COX7B2: variants seen among roughly 807,000 people sequenced by gnomAD.
COX7B2 encodes the protein cytochrome c oxidase subunit 7B2, also known as cytochrome c oxidase subunit 7B2, mitochondrial.
For missense variants in COX7B2, 109 were observed against 95.9 expected, an observed-to-expected ratio of 1.14 and a Z score of -0.57; for synonymous variants, 37 against 32.1, an observed-to-expected ratio of 1.15 and a Z score of -0.51.
intron 1 of COX7B2, among the ~76,000 whole-genome samples, chr4:46,908,738 C>CGAAAAAAAAAAA (rs1720557328): frequency 8.3e-6 from 1 of 121,090 alleles, no homozygotes; most frequent in Non-Finnish European, 1.7e-5. Flanking sequence ...AGGAAAGTGG[C>CGAAAAAAAAAAA]AAAAAAAAAA....
intron 2 of COX7B2, among the ~76,000 whole-genome samples, chr4:46,754,235 A>G (rs1221648676): frequency 6.6e-6 from 1 of 151,930 alleles, no homozygotes; most frequent in Non-Finnish European, 1.5e-5. Context: ...AGGATTATAA[A>G]TCATGCTGCT....
intron 1 of COX7B2, among the ~76,000 whole-genome samples, chr4:46,880,666 T>C (rs1490872350): frequency 6.6e-6 from 1 of 151,724 alleles, no homozygotes; most frequent in Non-Finnish European, 1.5e-5. Flanking sequence ...GTTGTGTTTA[T>C]TTGGATCTTC....
rs1448122862 is a variant in COX7B2 at position 46,764,853 on chromosome 4, A to C, written c.-49-29612T>G. On this transcript the variant is annotated intron_variant, in intron 2 of 2. Transcript: ENST00000355591. ...GAGAAAAGAATCAAAGCACACTACC[A>C]CAAAAAAATTATCACATCATACAGG... Among the ~76,000 whole-genome samples, 25 of 152,040 alleles carry C rather than the reference A, an allele frequency of 1.6e-4. 1 individual carries two copies.
At chr4:46,761,861 C>T (rs1363178778) in intron 2 of COX7B2, among the ~76,000 whole-genome samples, 1 of 151,730 alleles carries the variant, frequency 6.6e-6, no homozygotes, top group Non-Finnish European at 1.5e-5. Flanking sequence ...CCCAAAATTC[C>T]ACCGTCCATT....
At chr4:46,768,730 A>G (rs1716696292) in intron 2 of COX7B2, among the ~76,000 whole-genome samples, 1 of 152,198 alleles carries the variant, frequency 6.6e-6, no homozygotes, top group Admixed American at 6.5e-5. Context: ...ATGAAATAAT[A>G]AAGATGAAAG....
intron 1 of COX7B2, among the ~76,000 whole-genome samples, chr4:46,866,874 G>A (rs1717698741): frequency 6.6e-6 from 1 of 152,132 alleles, no homozygotes. Flanking sequence ...GACAAGTTGA[G>A]TTTAACATTC....
intron 2 of COX7B2, among the ~76,000 whole-genome samples, chr4:46,755,317 A>G (rs1223869330): frequency 6.6e-6 from 1 of 152,090 alleles, no homozygotes; most frequent in Non-Finnish European, 1.5e-5. Flanking sequence ...ATATATGACA[A>G]ACTCACAGCC....
In COX7B2 at chr4:46,750,691, CA is replaced by C. The variant is rs201145840; in HGVS notation, c.-49-15451del. Among the ~76,000 whole-genome samples the C allele has an allele frequency of 9.7e-3, 1,483 of 152,208 alleles. 8 individuals carry two copies. The highest frequency in any genetic ancestry group is 0.023 in the South Asian group (112 of 4,826). The stretch of plus-strand genomic sequence containing the variant: ...ACTAGAGCCTGCATGGCTTAAACAA[CA>C]AAAATACATTTTCTCAAAGTCCTGA... On this transcript the variant is annotated intron_variant, in intron 2 of 2. Coordinates refer to ENST00000355591, the MANE Select transcript of COX7B2 (RefSeq NM_130902.3).
At chr4:46,872,158 C>G (rs796641072) in intron 1 of COX7B2, among the ~76,000 whole-genome samples, 37 of 152,234 alleles carry the variant, frequency 2.4e-4, no homozygotes, top group African/African-American at 7.9e-4. Context: ...TTAATGAGAT[C>G]ATGTCTTTTG....
At chr4:46,800,620 C>G (rs1718607665) in intron 2 of COX7B2, among the ~76,000 whole-genome samples, 1 of 152,148 alleles carries the variant, frequency 6.6e-6, no homozygotes, top group South Asian at 2.1e-4. Context: ...GAATTAAAAA[C>G]TTAAAAGTAA....
intron 1 of COX7B2, among the ~76,000 whole-genome samples, chr4:46,881,076 A>AT (rs971119297): frequency 6.6e-6 from 1 of 151,460 alleles, no homozygotes; most frequent in Non-Finnish European, 1.5e-5. Context: ...TTCAGCTCTA[A>AT]TTTTTGTTAT....
At chr4:46,746,551 C>CAA (rs35072975) in intron 2 of COX7B2, among the ~76,000 whole-genome samples, 49,688 of 151,890 alleles carry the variant, frequency 0.33, 8,365 homozygotes, top group South Asian at 0.47. Flanking sequence ...ACAGTGGAAA[C>CAA]AGAGGTTTAT....
intron 2 of COX7B2, among the ~76,000 whole-genome samples, chr4:46,747,012 T>C (rs1159576010): frequency 1.3e-5 from 2 of 152,164 alleles, no homozygotes; most frequent in African/African-American, 4.8e-5. Context: ...ATCAGGCTGC[T>C]ATGTCACCAA....
intron 2 of COX7B2, among the ~76,000 whole-genome samples, chr4:46,827,412 G>T (rs1714772143): frequency 6.6e-6 from 1 of 151,996 alleles, no homozygotes; most frequent in Non-Finnish European, 1.5e-5. Context: ...CCAACTGTAG[G>T]TTTTTGTATC....
chr4:46,747,611 A>T (rs925734824), intron 2 of COX7B2, among the ~76,000 whole-genome samples: 1 of 152,110 alleles, frequency 6.6e-6, no homozygotes, highest in Non-Finnish European at 1.5e-5. Context: ...CTTAGCTCCC[A>T]CTTATAAGTG....
chr4:46,812,339 G>T (rs544271952), intron 2 of COX7B2, among the ~76,000 whole-genome samples: 2 of 150,528 alleles, frequency 1.3e-5, no homozygotes, highest in African/African-American at 4.9e-5. Flanking sequence ...TTCTGACCCT[G>T]GGAGGCACCA....
Position 46,856,938 on chromosome 4 carries a change from A to C in COX7B2, c.-104-11924T>G, listed in dbSNP as rs1425292042. Among the ~76,000 whole-genome samples, 3 of 152,218 alleles carry C rather than the reference A, an allele frequency of 2.0e-5. No homozygotes were observed. In the East Asian group the frequency reaches 5.8e-4, roughly 29 times the overall value. On this transcript the variant is annotated intron_variant, in intron 1 of 2. Transcript: ENST00000355591. ...GTGACTAGGAATAAAATAATTGGGC[A>C]ATAGAGATAGAGTTTGATAGACCCG...
intron 2 of COX7B2, among the ~76,000 whole-genome samples, chr4:46,750,674 C>T (rs1279745967): frequency 2.0e-5 from 3 of 152,082 alleles, no homozygotes; most frequent in Non-Finnish European, 4.4e-5. Flanking sequence ...ATACTAGAGC[C>T]TGCATGGCTT....
rs1056311574 is a variant in COX7B2 at position 46,812,553 on chromosome 4, G to A, written c.-50+32407C>T. On this transcript the variant is annotated intron_variant, in intron 2 of 2. Transcript: ENST00000355591. Reference sequence around the variant, plus strand: ...GAGTATCCCAGACTTTATAAGGCCAGGTATAGCAGCAAGGATGTAAGTTCC... The same window carrying A: ...GAGTATCCCAGACTTTATAAGGCCAAGTATAGCAGCAAGGATGTAAGTTCC... Among the ~76,000 whole-genome samples the A allele has an allele frequency of 1.2e-4, 18 of 152,100 alleles. 1 individual carries two copies. The highest frequency in any genetic ancestry group is 4.1e-4 in the African/African-American group (17 of 41,394).
Sources: allele counts gnomAD v4.1 joint callset (sites outside exome capture counted in the v4.1 genomes callset), GRCh38; gene constraint gnomAD v4.1.1; transcripts MANE v1.5; gene names NCBI Gene and HGNC (gene_info 2026-07-23, HGNC 2026-07-21).